GALNT6: variants seen among roughly 807,000 people sequenced by gnomAD.
The protein encoded by GALNT6 is polypeptide N-acetylgalactosaminyltransferase 6.
Under a neutral mutation model 65.9 loss-of-function variants are expected in GALNT6, and 51 were observed. That is an observed-to-expected ratio of 0.77 (90% confidence interval 0.62 to 0.98). The LOEUF is 0.98. GALNT6 is among the 50% of genes least tolerant of loss of function. GALNT6 has a pLI of 0.00. For missense variants in GALNT6, 708 were observed against 803.3 expected (o/e 0.88, Z 1.43); for synonymous variants, 323 against 315.1 (o/e 1.02, Z -0.26).
rs140484954 is a variant in GALNT6 at position 51,362,602 on chromosome 12, C to A, written c.1049+1519G>T. ...TGGGTGGGGGCCAGGTGCCCTCTTT[C>A]TGACTGTGCTGCTGTGTGCCTGGTC... is the stretch of plus-strand genomic sequence containing the variant. On this transcript the variant is annotated intron_variant, in intron 6 of 11. Coordinates refer to ENST00000356317, the MANE Select transcript of GALNT6 (RefSeq NM_007210.4). 8.6e-3 allele frequency among the ~76,000 whole-genome samples: 1,258 copies of A among 146,068 alleles called. 25 individuals are homozygous for A. The highest frequency in any genetic ancestry group is 0.03 in the African/African-American group (1,194 of 39,234).
chr12:51,377,258 G>A lies in GALNT6; in HGVS notation c.601C>T (p.Leu201=). Residue 201 remains leucine (L), a synonymous_variant, in exon 4 of 12, where the codon CTA becomes TTA. Coordinates refer to ENST00000356317, the MANE Select transcript of GALNT6 (RefSeq NM_007210.4). The part of the protein sequence containing the change: ...STLLRTVYSV[L]HTTPAILLKE... ...AGCAAGATGGCAGGGGTGGTGTGTA[G>A]GACGCTGTACACTGTTCGCAGCAGT... The A allele has an allele frequency of 3.1e-6, 5 of 1,613,902 alleles. No homozygotes were observed. The highest frequency in any genetic ancestry group is 2.5e-6 in the Non-Finnish European group (3 of 1,180,018).
In GALNT6 at chr12:51,379,424, AT is replaced by A; in HGVS notation, c.357del (p.Gln121ArgfsTer61). 1 of 1,611,190 alleles carries A rather than the reference AT, an allele frequency of 6.2e-7. No individual in the cohort carries two copies. The highest frequency in any genetic ancestry group is 1.7e-4 in the Middle Eastern group (1 of 6,030). ...AGGGGGGTCCACTTGCTCTTCTGAA[AT>A]GCTTTTCCATCTGCCCCAGGGGCAT... ...DPNAPGADGK[A>X]FQKSKWTPLE... On this transcript the variant is annotated frameshift_variant, in exon 3 of 12. Coordinates refer to ENST00000356317, the MANE Select transcript of GALNT6 (RefSeq NM_007210.4). LOFTEE classifies it high-confidence loss of function.
At chr12:51,385,642 T>C (rs1947811368) in intron 2 of GALNT6, among the ~76,000 whole-genome samples, 1 of 151,998 alleles carries the variant, frequency 6.6e-6, no homozygotes, top group African/African-American at 2.4e-5. Flanking sequence ...CAAAAAGCCT[T>C]CTCAGATCTC....
chr12:51,374,072 C>G (rs919383741), intron 4 of GALNT6, among the ~76,000 whole-genome samples: 2 of 152,058 alleles, frequency 1.3e-5, no homozygotes, highest in African/African-American at 2.4e-5. Flanking sequence ...ATTGCCCAGG[C>G]TGGTCTTGAA....
In GALNT6 at chr12:51,379,228, C is replaced by T; in HGVS notation, c.491+63G>A. On this transcript the variant is annotated intron_variant, in intron 3 of 11. Transcript: ENST00000356317. Reference sequence around the variant, plus strand: ...TCTGGCCCTTGATCTATGGCCCTGGCCATACTAGCCATGCCTTTAGCAAAG... The same window carrying T: ...TCTGGCCCTTGATCTATGGCCCTGGTCATACTAGCCATGCCTTTAGCAAAG... 2.0e-6 allele frequency: 3 copies of T among 1,483,138 alleles called. No homozygotes were observed. In the South Asian group the frequency reaches 4.2e-5, roughly 21 times the overall value. The allele number at this position is 1,483,138 out of a possible 1,614,324, so 91.9% of individuals were successfully genotyped here.
At chr12:51,368,633 T>C (rs1434150543) in intron 4 of GALNT6, among the ~76,000 whole-genome samples, 7 of 152,130 alleles carry the variant, frequency 4.6e-5, no homozygotes, top group Non-Finnish European at 1.0e-4. Context: ...CTCGAATTCC[T>C]GACCTCAAGT....
intron 2 of GALNT6, 72 bp from the exon 3 acceptor site, chr12:51,379,956 C>T (rs546837923): frequency 1.2e-4 from 76 of 642,854 alleles, no homozygotes; most frequent in East Asian, 8.3e-4. Flanking sequence ...GCTTGGGGTT[C>T]GAGGCCAGGC....
chr12:51,363,825 G>A (rs542387310), intron 6 of GALNT6, among the ~76,000 whole-genome samples: 1 of 152,306 alleles, frequency 6.6e-6, no homozygotes, highest in East Asian at 1.9e-4. Flanking sequence ...CATGGTAAGT[G>A]GTGAATAAGA....
chr12:51,367,855 A>G (rs371749015), intron 4 of GALNT6, among the ~76,000 whole-genome samples: 2 of 152,240 alleles, frequency 1.3e-5, no homozygotes, highest in Non-Finnish European at 2.9e-5. Context: ...TAACAACTCT[A>G]TGAAACAGGG....
At chr12:51,389,621 C>G (rs890938190) in intron 2 of GALNT6, among the ~76,000 whole-genome samples, 4 of 152,204 alleles carry the variant, frequency 2.6e-5, no homozygotes, top group African/African-American at 9.7e-5. Context: ...AAGTTAGTGA[C>G]AGGGCTGAGT....
At chr12:51,374,616 C>T (rs1327204882) in intron 4 of GALNT6, among the ~76,000 whole-genome samples, 3 of 152,166 alleles carry the variant, frequency 2.0e-5, no homozygotes, top group East Asian at 1.9e-4. Context: ...GGAGTCAGTT[C>T]CTGCCCTCAC....
At chr12:51,361,967 T>C (rs1946937220) in intron 6 of GALNT6, among the ~76,000 whole-genome samples, 8 of 152,190 alleles carry the variant, frequency 5.3e-5, no homozygotes, top group Admixed American at 5.2e-4. Flanking sequence ...TACCCAGGAA[T>C]GTGACCCTGG....
At chr12:51,389,755 C>T (rs959354278) in intron 2 of GALNT6, among the ~76,000 whole-genome samples, 1 of 152,188 alleles carries the variant, frequency 6.6e-6, no homozygotes, top group Non-Finnish European at 1.5e-5. Context: ...TAAGTTCATG[C>T]TCATATTTCC....
chr12:51,378,152 TTCTC>T (rs527542047), intron 3 of GALNT6, among the ~76,000 whole-genome samples: 194 of 152,308 alleles, frequency 1.3e-3, no homozygotes, highest in African/African-American at 4.3e-3. Flanking sequence ...CCCAGTGCTC[TTCTC>T]TCTGTCTGTT....
chr12:51,364,070 A>G (rs771230449), intron 6 of GALNT6, 51 bp downstream of exon 6: 1 of 1,242,702 alleles, frequency 8.0e-7, no homozygotes, highest in Non-Finnish European at 1.2e-6. Flanking sequence ...GGTTCCTGGA[A>G]CTGGGTAGGA....
rs12298694 is a variant in GALNT6 at position 51,357,980 on chromosome 12, C to T, written c.1500+150G>A. The stretch of plus-strand genomic sequence containing the variant: ...GGTTTTTTGCTATCTCTAGAAGCCC[C>T]AACGTGGCCTCTCAGTCCTCCTCCT... On this transcript the variant is annotated intron_variant, in intron 9 of 11. Transcript: ENST00000356317. The T allele has an allele frequency of 3.7e-3, 2,550 of 688,078 alleles. 55 individuals carry two copies. In the African/African-American group the frequency reaches 0.041, roughly 11 times the overall value. 42.6% of individuals were successfully genotyped at this position (688,078 alleles called of 1,614,324 possible).
intron 4 of GALNT6, among the ~76,000 whole-genome samples, chr12:51,371,745 C>A (rs1020542469): frequency 1.3e-5 from 2 of 152,094 alleles, no homozygotes; most frequent in African/African-American, 4.8e-5. Flanking sequence ...AGCACGCGGT[C>A]TCCTCCCCCA....
intron 2 of GALNT6, 52 bp from the exon 3 acceptor site, chr12:51,379,936 G>T: frequency 1.3e-6 from 1 of 769,972 alleles, no homozygotes; most frequent in Non-Finnish European, 2.0e-6. Context: ...GGGTAAGGAG[G>T]GAGTCGGGTG....
chr12:51,386,122 T>A (rs1431572404), intron 2 of GALNT6, among the ~76,000 whole-genome samples: 1 of 152,266 alleles, frequency 6.6e-6, no homozygotes, highest in Non-Finnish European at 1.5e-5. Context: ...CAGGATATTC[T>A]GCCATTACAC....
Sources: allele counts gnomAD v4.1 joint callset (sites outside exome capture counted in the v4.1 genomes callset), GRCh38; gene constraint gnomAD v4.1.1; transcripts MANE v1.5; gene names NCBI Gene and HGNC (gene_info 2026-07-23, HGNC 2026-07-21).